Variants in MICAL3 observed in about 807,000 individuals in gnomAD.
The protein encoded by MICAL3 is microtubule associated monooxygenase, calponin and LIM domain containing 3, also known as [F-actin]-monooxygenase MICAL3.
In MICAL3, 62 loss-of-function variants were observed where a neutral mutation model predicts 207.4. The observed-to-expected ratio is 0.30, with a 90% CI of 0.24 to 0.37. MICAL3 has a LOEUF of 0.37. Ranked by LOEUF, MICAL3 falls within the 10% of genes least tolerant of loss-of-function variation. MICAL3 has a pLI of 1.00. For missense variants in MICAL3, 2,368 were observed against 2,635.6 expected, an observed-to-expected ratio of 0.90 and a Z score of 2.22; for synonymous variants, 1,077 against 1,069.3, an observed-to-expected ratio of 1.01 and a Z score of -0.14.
intron 1 of MICAL3, among the ~76,000 whole-genome samples, chr22:17,966,485 G>A (rs905265043): frequency 6.6e-6 from 1 of 152,176 alleles, no homozygotes; most frequent in Admixed American, 6.6e-5. Context: ...AGACAGTACT[G>A]TTTGCATTGT....
At chr22:17,923,475 C>T (rs930119484) in intron 1 of MICAL3, among the ~76,000 whole-genome samples, 2 of 152,198 alleles carry the variant, frequency 1.3e-5, no homozygotes, top group Admixed American at 6.5e-5. Flanking sequence ...CAGTGTAGAG[C>T]CAGAGGGGCT....
intron 1 of MICAL3, among the ~76,000 whole-genome samples, chr22:17,952,941 G>A (rs913147296): frequency 5.9e-5 from 9 of 152,110 alleles, no homozygotes; most frequent in African/African-American, 9.7e-5. Context: ...GCCTTTTACC[G>A]CGCCTGACTC....
At chr22:18,014,502 G>C (rs1486060316) in intron 1 of MICAL3, among the ~76,000 whole-genome samples, 3 of 149,940 alleles carry the variant, frequency 2.0e-5, no homozygotes, top group African/African-American at 7.5e-5. Flanking sequence ...AAAAGAAAAA[G>C]CTCCATCACT....
intron 1 of MICAL3, among the ~76,000 whole-genome samples, chr22:18,003,186 T>G (rs1923158164): frequency 6.6e-6 from 1 of 151,896 alleles, no homozygotes; most frequent in Non-Finnish European, 1.5e-5. Flanking sequence ...GAACTTTAGT[T>G]GAAAGTCGAT....
Position 17,818,336 on chromosome 22 carries a change from C to G in MICAL3, c.4325G>C (p.Ser1442Thr). ...GGAGTCCGAGGTGTTGAAGCTCTGG[C>G]TGCCCAGTGTCTTCATGTTGGAGGA... ...GSSSNMKTLG[S>T]QSFNTSDSAM... is the part of the protein sequence containing the mutation. The change falls in exon 26 of 32, where the codon AGC becomes ACC. Residue 1442 changes from serine to threonine, a missense_variant. Physicochemically the swap from Ser to Thr is moderately conservative, Grantham distance 58. Around this residue, in one of 4 missense-constraint regions of MICAL3, gnomAD observed 1,770 missense variants for 1,863.2 expected, o/e 0.95. Transcript: ENST00000441493. The G allele has an allele frequency of 4.4e-6, 7 of 1,589,266 alleles. No individual in the cohort carries two copies. The South Asian group carries it at 6.7e-5, about 15-fold the overall frequency.
At chr22:17,874,623 T>C (rs530011321) in intron 16 of MICAL3, among the ~76,000 whole-genome samples, 4 of 152,364 alleles carry the variant, frequency 2.6e-5, no homozygotes, top group African/African-American at 9.6e-5. Context: ...CAAGTTCTAT[T>C]TGTTTCTGGC....
chr22:17,818,011 C>A lies in MICAL3; in HGVS notation c.4650G>T (p.Trp1550Cys). The change falls in exon 26 of 32, where the codon TGG becomes TGT. Residue 1550 changes from tryptophan (W) to cysteine (C), a missense_variant. By Grantham distance (215) the Trp-to-Cys change is radical. This residue lies in a region of MICAL3 where 1,770 missense variants were observed against 1,863.2 expected (regional missense o/e 0.95). Coordinates refer to ENST00000441493, the MANE Select transcript of MICAL3 (RefSeq NM_015241.3). Reference sequence around the variant, plus strand: ...GGTGGCGAGGCTTCTCGGGGCGCGGCCAGCAGGACGGGGGCGTGAAGAATT... The same window carrying A: ...GGTGGCGAGGCTTCTCGGGGCGCGGACAGCAGGACGGGGGCGTGAAGAATT... Reference protein sequence around the residue: ...QEKFFTPPSCWPRPEKPRHPP... With the variant: ...QEKFFTPPSCCPRPEKPRHPP... The A allele has an allele frequency of 6.2e-7, 1 of 1,612,336 alleles. No homozygotes were observed. The highest frequency in any genetic ancestry group is 1.7e-5 in the Admixed American group (1 of 60,004).
At position 17,818,007 on chromosome 22, in the gene MICAL3, G is replaced by T. The variant is rs368314845; in HGVS notation, c.4654C>A (p.Arg1552Ser). 51 of 1,612,034 alleles carry T rather than the reference G, an allele frequency of 3.2e-5. No homozygotes were observed. Among genetic ancestry groups the T allele is most frequent in the Non-Finnish European group, 4.1e-5 (48 of 1,179,768 alleles). Residue 1552 changes from arginine to serine, a missense_variant, in exon 26 of 32, where the codon CGC (arginine) becomes AGC (serine). Arg to Ser is a moderately radical substitution (Grantham distance 110). Around this residue, in one of 4 missense-constraint regions of MICAL3, gnomAD observed 1,770 missense variants for 1,863.2 expected, o/e 0.95. Transcript: ENST00000441493. Reference protein sequence around the residue: ...KFFTPPSCWPRPEKPRHPPLA... With the variant: ...KFFTPPSCWPSPEKPRHPPLA... ...GGCGGGTGGCGAGGCTTCTCGGGGC[G>T]CGGCCAGCAGGACGGGGGCGTGAAG... is the stretch of plus-strand genomic sequence containing the variant.
At chr22:17,955,546 A>C (rs1934569905) in intron 1 of MICAL3, among the ~76,000 whole-genome samples, 1 of 152,234 alleles carries the variant, frequency 6.6e-6, no homozygotes, top group African/African-American at 2.4e-5. Context: ...GCATCCAGAG[A>C]GAGCCCTGGC....
intron 16 of MICAL3, among the ~76,000 whole-genome samples, chr22:17,874,207 T>C (rs575443263): frequency 2.0e-5 from 3 of 152,320 alleles, no homozygotes; most frequent in Admixed American, 6.5e-5. Flanking sequence ...TTGGTGCCAT[T>C]TGCCCATTAA....
chr22:17,865,585 G>A (rs1228372832), intron 18 of MICAL3, among the ~76,000 whole-genome samples: 2 of 152,228 alleles, frequency 1.3e-5, no homozygotes, highest in African/African-American at 4.8e-5. Flanking sequence ...CTCTAATCAT[G>A]TGGAACATGA....
intron 1 of MICAL3, among the ~76,000 whole-genome samples, chr22:17,977,876 G>C (rs1935726473): frequency 6.6e-6 from 1 of 151,976 alleles, no homozygotes; most frequent in Non-Finnish European, 1.5e-5. Context: ...TACAAAATTA[G>C]CCAGGCATGG....
intron 1 of MICAL3, among the ~76,000 whole-genome samples, chr22:17,976,710 G>T (rs1935671690): frequency 6.8e-6 from 1 of 147,636 alleles, no homozygotes; most frequent in African/African-American, 2.5e-5. Flanking sequence ...TGCTTTCAAA[G>T]GATTTTAAGT....
At chr22:17,853,961 T>C (rs965376749) in intron 19 of MICAL3, among the ~76,000 whole-genome samples, 5 of 152,188 alleles carry the variant, frequency 3.3e-5, no homozygotes, top group Non-Finnish European at 7.4e-5. Flanking sequence ...CACGGTTTTG[T>C]GGGGGCTGAC....
chr22:18,019,111 T>G (rs1325278367), intron 1 of MICAL3: 1 of 151,962 alleles, frequency 6.6e-6, no homozygotes, highest in East Asian at 1.9e-4. Flanking sequence ...GAGCATCGCT[T>G]GAGTTGGGAG....
intron 19 of MICAL3, among the ~76,000 whole-genome samples, chr22:17,859,518 GTTT>G (rs536691861): frequency 8.3e-4 from 127 of 152,366 alleles, no homozygotes; most frequent in African/African-American, 2.7e-3. Context: ...GGAATAGTCT[GTTT>G]TTAATGCAGG....
intron 20 of MICAL3, chr22:17,834,538 G>A: frequency 8.4e-7 from 1 of 1,188,762 alleles, no homozygotes; most frequent in Non-Finnish European, 1.1e-6. Context: ...CAACCATGGG[G>A]AGACCCAGTC....
chr22:17,854,961 C>A (rs994109816), intron 19 of MICAL3, among the ~76,000 whole-genome samples: 3 of 152,214 alleles, frequency 2.0e-5, no homozygotes, highest in Non-Finnish European at 4.4e-5. Context: ...AACACACCTA[C>A]CTTTGTGCTG....
intron 1 of MICAL3, among the ~76,000 whole-genome samples, chr22:17,925,176 G>C (rs1280060953): frequency 6.6e-6 from 1 of 152,142 alleles, no homozygotes; most frequent in African/African-American, 2.4e-5. Context: ...AAGGGGAAGG[G>C]AGCCAGGTGA....
Sources: gnomAD v4.1 joint callset for allele counts (sites outside exome capture counted in the v4.1 genomes callset) on GRCh38, gnomAD v4.1.1 for gene constraint, gnomAD v4.1.1 regional missense constraint, MANE v1.5 for transcripts, NCBI Gene and HGNC (gene_info 2026-07-23, HGNC 2026-07-21) for gene names.